The following CACNA2D3 variants were observed in gnomAD, a reference collection of about 807,000 sequenced individuals.
The protein encoded by CACNA2D3 is calcium voltage-gated channel auxiliary subunit alpha2delta 3, also known as voltage-dependent calcium channel subunit alpha-2/delta-3.
CACNA2D3 carries 60 observed loss-of-function variants against 160.6 expected under a neutral mutation model. The observed-to-expected ratio is 0.37, with a 90% CI of 0.30 to 0.46. The LOEUF (loss-of-function observed/expected upper bound fraction) is 0.46, where lower values mean the gene tolerates loss of function less well. CACNA2D3 is among the 20% of genes least tolerant of loss of function. The pLI is 1.00. For synonymous variants in CACNA2D3, 558 were observed against 492.9 expected, an observed-to-expected ratio of 1.13 and a Z score of -1.75; for missense variants, 1,205 against 1,365.0, an observed-to-expected ratio of 0.88 and a Z score of 1.85.
At chr3:54,730,825 C>G (rs1701370303) in intron 11 of CACNA2D3, among the ~76,000 whole-genome samples, 1 of 152,160 alleles carries the variant, frequency 6.6e-6, no homozygotes, top group Admixed American at 6.5e-5. Flanking sequence ...TTTAACATAG[C>G]ACAGTGAGTA....
At chr3:54,871,188 C>T (rs1178526210) in intron 17 of CACNA2D3, among the ~76,000 whole-genome samples, 1 of 87,688 alleles carries the variant, frequency 1.1e-5, no homozygotes, top group East Asian at 3.9e-4. Context: ...TGGAGACACA[C>T]ACACACACAC....
At chr3:54,705,564 G>C (rs1413771621) in intron 11 of CACNA2D3, among the ~76,000 whole-genome samples, 1 of 152,176 alleles carries the variant, frequency 6.6e-6, no homozygotes, top group Non-Finnish European at 1.5e-5. Flanking sequence ...AAGGGTTATA[G>C]ATAACACATT....
intron 10 of CACNA2D3, among the ~76,000 whole-genome samples, chr3:54,641,450 C>G (rs1482871485): frequency 6.6e-6 from 1 of 152,084 alleles, no homozygotes; most frequent in Admixed American, 6.5e-5. Flanking sequence ...TGGCAGGCTT[C>G]AGAGAGAATA....
intron 16 of CACNA2D3, 101 bp downstream of exon 16, chr3:54,838,749 T>C: frequency 1.2e-6 from 1 of 856,138 alleles, no homozygotes; most frequent in African/African-American, 1.7e-5. Context: ...GCGATGTTTT[T>C]GCTCACCACT....
At chr3:54,191,047 C>CAAA (rs35592309) in intron 2 of CACNA2D3, among the ~76,000 whole-genome samples, 47 of 103,572 alleles carry the variant, frequency 4.5e-4, no homozygotes, top group African/African-American at 1.2e-3. Flanking sequence ...TAGGTGGAAG[C>CAAA]AAAAAAAAAA....
At chr3:54,599,436 T>C (rs1703023000) in intron 9 of CACNA2D3, among the ~76,000 whole-genome samples, 1 of 152,232 alleles carries the variant, frequency 6.6e-6, no homozygotes, top group Non-Finnish European at 1.5e-5. Context: ...TAGATGTTGC[T>C]ATGGTCAGGC....
chr3:55,028,353 T>C (rs1269182508), intron 35 of CACNA2D3, among the ~76,000 whole-genome samples: 2 of 152,150 alleles, frequency 1.3e-5, no homozygotes, highest in Non-Finnish European at 2.9e-5. Flanking sequence ...TACATAAGAA[T>C]GTCATTAGGG....
intron 2 of CACNA2D3, among the ~76,000 whole-genome samples, chr3:54,205,947 A>G (rs1357452100): frequency 6.6e-6 from 1 of 152,210 alleles, no homozygotes; most frequent in African/African-American, 2.4e-5. Flanking sequence ...TTTGGGATGT[A>G]CTTACATCAA....
chr3:54,415,911 A>C lies in CACNA2D3; in HGVS notation c.381+29137A>C, dbSNP rs941778370. On this transcript the variant is annotated intron_variant, in intron 4 of 37. Transcript: ENST00000474759. ...ACTGGACAAAATCTTGTGAAGAAAT[A>C]AATTGAAGATGAAACTTAGGGATTA... 7.9e-5 allele frequency among the ~76,000 whole-genome samples: 12 copies of C among 152,308 alleles called. No homozygotes were observed. In the East Asian group the frequency reaches 2.1e-3, roughly 27 times the overall value.
At chr3:54,450,684 C>T (rs956819033) in intron 4 of CACNA2D3, among the ~76,000 whole-genome samples, 2 of 152,250 alleles carry the variant, frequency 1.3e-5, no homozygotes, top group East Asian at 3.9e-4. Flanking sequence ...GCTGGCTCCC[C>T]TTCACCTTCC....
intron 4 of CACNA2D3, among the ~76,000 whole-genome samples, chr3:54,422,643 C>T (rs1352234949): frequency 6.6e-6 from 1 of 152,072 alleles, no homozygotes; most frequent in Non-Finnish European, 1.5e-5. Flanking sequence ...ACCATTTTAA[C>T]AATCAGTTGG....
chr3:54,378,204 A>G (rs1699042125), intron 3 of CACNA2D3, among the ~76,000 whole-genome samples: 1 of 152,174 alleles, frequency 6.6e-6, no homozygotes, highest in Non-Finnish European at 1.5e-5. Flanking sequence ...TTCATGAAAG[A>G]CAGTTTTTGC....
At chr3:54,355,811 G>A (rs1032202699) in intron 3 of CACNA2D3, among the ~76,000 whole-genome samples, 1 of 152,172 alleles carries the variant, frequency 6.6e-6, no homozygotes, top group Non-Finnish European at 1.5e-5. Context: ...CAGGAAGAGA[G>A]AAGAAGAGCC....
intron 31 of CACNA2D3, among the ~76,000 whole-genome samples, chr3:54,996,877 A>G (rs1322355917): frequency 1.3e-5 from 2 of 152,232 alleles, no homozygotes; most frequent in Admixed American, 6.5e-5. Flanking sequence ...TTGCAGGGAC[A>G]TGGATGAAGC....
intron 11 of CACNA2D3, among the ~76,000 whole-genome samples, chr3:54,668,379 T>A (rs1700104364): frequency 6.6e-6 from 1 of 152,186 alleles, no homozygotes; most frequent in Admixed American, 6.5e-5. Context: ...CTGCTGGAGC[T>A]AGGATGATGG....
At chr3:54,312,640 T>A (rs755863019) in intron 2 of CACNA2D3, among the ~76,000 whole-genome samples, 14 of 152,220 alleles carry the variant, frequency 9.2e-5, no homozygotes, top group Non-Finnish European at 2.1e-4. Flanking sequence ...GCAAAATAGA[T>A]GCTGCAGAAA....
chr3:54,638,911 A>G (rs1431919251), intron 10 of CACNA2D3: 1 of 152,008 alleles, frequency 6.6e-6, no homozygotes, highest in African/African-American at 2.4e-5. Context: ...GTTCTTAAGA[A>G]TACATGCTAA....
intron 3 of CACNA2D3, among the ~76,000 whole-genome samples, chr3:54,374,890 C>T (rs1280995640): frequency 6.6e-6 from 1 of 151,600 alleles, no homozygotes; most frequent in East Asian, 1.9e-4. Flanking sequence ...TAGATAACAT[C>T]AATAATCAAT....
chr3:54,267,509 A>G (rs60871758), intron 2 of CACNA2D3, among the ~76,000 whole-genome samples: 1 of 152,362 alleles, frequency 6.6e-6, no homozygotes, highest in African/African-American at 2.4e-5. Context: ...ACTGTGTAGT[A>G]GATACCCAGT....
Sources: allele counts gnomAD v4.1 joint callset (sites outside exome capture counted in the v4.1 genomes callset), GRCh38; gene constraint gnomAD v4.1.1; transcripts MANE v1.5; gene names NCBI Gene and HGNC (gene_info 2026-07-23, HGNC 2026-07-21).